PUM3: variants seen among roughly 807,000 people sequenced by gnomAD.
PUM3 encodes the protein pumilio RNA binding family member 3.
In PUM3, 91 loss-of-function variants were observed where a neutral mutation model predicts 84.0. That is an observed-to-expected ratio of 1.08 (90% CI 0.91 to 1.29). PUM3 has a LOEUF of 1.29. PUM3 is among the 50% of genes most tolerant of loss of function. The pLI is 0.00. For synonymous variants in PUM3, 321 were observed against 266.7 expected, an observed-to-expected ratio of 1.20 and a Z score of -1.98; for missense variants, 1,067 against 767.5, an observed-to-expected ratio of 1.39 and a Z score of -4.61.
In PUM3 at chr9:2,804,202, A is replaced by C; in HGVS notation, c.*129T>G. On this transcript the variant is annotated 3_prime_UTR_variant, in exon 18 of 18. Transcript: ENST00000397885. ...ACAATTTATATAAATAGATTCGTAT[A>C]CAAAGAAGAAACACATATACAGAGT... 1.2e-6 allele frequency: 1 copy of C among 835,754 alleles called. No homozygotes were observed. The highest frequency in any genetic ancestry group is 1.8e-6 in the Non-Finnish European group (1 of 561,560). 51.8% of individuals were successfully genotyped at this position (835,754 alleles called of 1,614,324 possible).
chr9:2,804,635 C>G (rs1244719558), intron 17 of PUM3, among the ~76,000 whole-genome samples, 172 bp from the exon 18 acceptor site: 1 of 152,136 alleles, frequency 6.6e-6, no homozygotes, highest in East Asian at 1.9e-4. Context: ...TATTATAACA[C>G]CACGGAAAAA....
chr9:2,813,156 C>T (rs1821404974), intron 13 of PUM3, among the ~76,000 whole-genome samples: 1 of 152,212 alleles, frequency 6.6e-6, no homozygotes, highest in African/African-American at 2.4e-5. Context: ...TTCCAATCAA[C>T]ATACCCAAGA....
chr9:2,808,181 G>T (rs990964826), intron 16 of PUM3, among the ~76,000 whole-genome samples: 1 of 152,162 alleles, frequency 6.6e-6, no homozygotes, highest in Non-Finnish European at 1.5e-5. Flanking sequence ...CACTCACTTG[G>T]TTATGTCTGC....
intron 1 of PUM3, among the ~76,000 whole-genome samples, chr9:2,841,210 C>A (rs774181440): frequency 6.6e-6 from 1 of 152,192 alleles, no homozygotes; most frequent in Non-Finnish European, 1.5e-5. Context: ...CTAACCTGTA[C>A]CCCGTGAGAA....
Position 2,811,386 on chromosome 9 carries a change from A to G in PUM3, c.1610T>C (p.Leu537Pro). 2 of 1,614,058 alleles carry G rather than the reference A, an allele frequency of 1.2e-6. No homozygotes were observed. The highest frequency in any genetic ancestry group is 2.2e-5 in the South Asian group (2 of 91,082). Residue 537 changes from leucine (L) to proline (P), a missense_variant, in exon 15 of 18, where the codon CTG becomes CCG. By Grantham distance (98) the Leu-to-Pro change is moderately conservative. Transcript: ENST00000397885. Reference sequence around the variant, plus strand: ...CTCTCCGTCCTTGCCACCAGGATGCAGTCCTGTTGCTGCCAAGCTGGCGAT... The same window carrying G: ...CTCTCCGTCCTTGCCACCAGGATGCGGTCCTGTTGCTGCCAAGCTGGCGAT... ...NAIASLAATG[L>P]HPGGKDGELH...
intron 1 of PUM3, among the ~76,000 whole-genome samples, chr9:2,841,815 T>A (rs35684773): frequency 0.015 from 2,312 of 152,238 alleles, 26 homozygotes; most frequent in Non-Finnish European, 0.022. Context: ...TGTCACAGCC[T>A]GCATTCCATC....
At chr9:2,837,850 T>A (rs1184368449) in intron 2 of PUM3, among the ~76,000 whole-genome samples, 1 of 152,170 alleles carries the variant, frequency 6.6e-6, no homozygotes, top group Admixed American at 6.5e-5. Context: ...TAAGGACATC[T>A]AAAATGTTAA....
intron 17 of PUM3, 118 bp from the exon 18 acceptor site, chr9:2,804,581 C>A: frequency 1.2e-6 from 1 of 855,350 alleles, no homozygotes. Context: ...ACTATATACA[C>A]ATTATTTTTC....
intron 12 of PUM3, among the ~76,000 whole-genome samples, chr9:2,820,886 GT>G (rs1242131631): frequency 6.6e-6 from 1 of 152,082 alleles, no homozygotes; most frequent in Admixed American, 6.6e-5. Context: ...CCTACTTTAT[GT>G]TAAGAACAAA....
chr9:2,831,038 A>C lies in PUM3; in HGVS notation c.611-10T>G. On this transcript the variant is annotated splice_polypyrimidine_tract_variant and intron_variant, in intron 6 of 17. Transcript: ENST00000397885. ...AACTCAACCAAATCATCTGAAAAAC[A>C]AAAATACATTACAGTGACTTCAGAT... is the stretch of plus-strand genomic sequence containing the variant. 7.3e-7 allele frequency: 1 copy of C among 1,370,034 alleles called. No homozygotes were observed. The highest frequency in any genetic ancestry group is 1.0e-6 in the Non-Finnish European group (1 of 967,422). 84.9% of individuals were successfully genotyped at this position (1,370,034 alleles called of 1,614,324 possible). A position where few individuals can be genotyped will look rare whatever the true frequency, so the allele number is the denominator to read the frequency against.
At chr9:2,819,897 G>A (rs1006546656) in intron 13 of PUM3, 121 bp downstream of exon 13, 5 of 544,370 alleles carry the variant, frequency 9.2e-6, no homozygotes, top group Non-Finnish European at 1.7e-5. Flanking sequence ...TTAAAAGTAA[G>A]CAAAAATACT....
rs1815963622 is a variant in PUM3, at chr9:2,831,018, A to T, written c.621T>A (p.Val207=). The T allele has an allele frequency of 6.7e-7, 1 of 1,489,188 alleles. No homozygotes were observed. The highest frequency in any genetic ancestry group is 9.3e-7 in the Non-Finnish European group (1 of 1,073,306). The allele number at this position is 1,489,188 out of a possible 1,614,324, so 92.2% of individuals were successfully genotyped here. A position where few individuals can be genotyped will look rare whatever the true frequency, so the allele number is the denominator to read the frequency against. Reference sequence around the variant, plus strand: ...TCGAATATTTGGCTTTACTTAACTCAACCAAATCATCTGAAAAACAAAAAT... The same window carrying T: ...TCGAATATTTGGCTTTACTTAACTCTACCAAATCATCTGAAAAACAAAAAT... The part of the protein sequence containing the change: ...QAFEELRDDL[V]ELSKAKYSRN... The change falls in exon 7 of 18, where the codon GTT becomes GTA. Residue 207 remains valine (V), a synonymous_variant. Coordinates refer to ENST00000397885, the MANE Select transcript of PUM3 (RefSeq NM_014878.5).
At chr9:2,814,093 C>G (rs1009614735) in intron 13 of PUM3, among the ~76,000 whole-genome samples, 1 of 152,270 alleles carries the variant, frequency 6.6e-6, no homozygotes, top group Non-Finnish European at 1.5e-5. Context: ...ATTACAACCA[C>G]TCAGGGAAAA....
chr9:2,829,197 G>A (rs1320340889), intron 8 of PUM3, among the ~76,000 whole-genome samples: 1 of 152,222 alleles, frequency 6.6e-6, no homozygotes, highest in Admixed American at 6.5e-5. Flanking sequence ...GGCAACCCGG[G>A]AATCAATCCA....
intron 3 of PUM3, 95 bp from the exon 4 acceptor site, chr9:2,834,261 T>C (rs182947653): frequency 1.4e-4 from 140 of 1,036,910 alleles, no homozygotes; most frequent in Admixed American, 5.2e-4. Context: ...CTAATCAGGA[T>C]CAATGCTCAT....
Position 2,839,017 on chromosome 9 carries a change from C to G in PUM3, c.-10-500G>C, listed in dbSNP as rs535089499. Among the ~76,000 whole-genome samples, 8 of 152,288 alleles carry G rather than the reference C, an allele frequency of 5.3e-5. No individual in the cohort carries two copies. In the East Asian group the frequency reaches 1.5e-3, roughly 29 times the overall value. On this transcript the variant is annotated intron_variant, in intron 1 of 17. Coordinates refer to ENST00000397885, the MANE Select transcript of PUM3 (RefSeq NM_014878.5). ...TGAAAGATTCCTATGCAATCCAACACAGCTAAAACAAAGATTAGCATCCAG... is the reference window on the plus strand; with the variant it reads ...TGAAAGATTCCTATGCAATCCAACAGAGCTAAAACAAAGATTAGCATCCAG...
rs1816147918 is a variant in PUM3 at position 2,837,216 on chromosome 9, T to G, written c.268A>C (p.Lys90Gln). 1 of 1,614,160 alleles carries G rather than the reference T, an allele frequency of 6.2e-7. No individual in the cohort carries two copies. The highest frequency in any genetic ancestry group is 8.5e-7 in the Non-Finnish European group (1 of 1,179,986). The change falls in exon 3 of 18, where the codon AAG becomes CAG. Residue 90 changes from lysine to glutamine, a missense_variant. Transcript: ENST00000397885. Reference protein sequence around the residue: ...NKFQPANKFNKKRKFQPDGRS... With the variant: ...NKFQPANKFNQKRKFQPDGRS... ...CCATCTGGCTGGAATTTTCTCTTCT[T>G]GTTGAATTTATTTGCCGGCTGGAAT...
chr9:2,835,322 G>A (rs568271489), intron 3 of PUM3, among the ~76,000 whole-genome samples: 6 of 152,140 alleles, frequency 3.9e-5, no homozygotes, highest in Admixed American at 1.3e-4. Context: ...GGAGGCTGAG[G>A]CAGGAGGATC....
At position 2,804,363 on chromosome 9, in the gene PUM3, T is replaced by A; in HGVS notation, c.1915A>T (p.Ile639Leu). 6.2e-7 allele frequency: 1 copy of A among 1,613,926 alleles called. No individual in the cohort carries two copies. Among genetic ancestry groups the A allele is most frequent in the African/African-American group, 1.3e-5 (1 of 75,034 alleles). ...CTCAGTTTTTCAAGTAGAATTTCTA[T>A]TCCTTTGCTGGTGCTTTTGGTTTTT... Reference protein sequence around the residue: ...LEKTKSTSKGIEILLEKLST With the variant: ...LEKTKSTSKGLEILLEKLST Residue 639 changes from isoleucine to leucine, a missense_variant, in exon 18 of 18, where the codon ATA becomes TTA. Physicochemically the swap from Ile to Leu is conservative, Grantham distance 5. Coordinates refer to ENST00000397885, the MANE Select transcript of PUM3 (RefSeq NM_014878.5).
Sources: gnomAD v4.1 joint callset for allele counts (sites outside exome capture counted in the v4.1 genomes callset) on GRCh38, gnomAD v4.1.1 for gene constraint, MANE v1.5 for transcripts, NCBI Gene and HGNC (gene_info 2026-07-23, HGNC 2026-07-21) for gene names.